The following NEDD8 variants were observed in gnomAD, a reference collection of about 807,000 sequenced individuals.
The protein encoded by NEDD8 is ubiquitin-like protein NEDD8.
NEDD8 carries 1 observed loss-of-function variant against 13.8 expected under a neutral mutation model. That is an observed-to-expected ratio of 0.07 (90% CI 0.03 to 0.34). The LOEUF is 0.34. NEDD8 is among the 10% of genes least tolerant of loss of function. NEDD8 has a pLI of 0.99. For synonymous variants in NEDD8, 31 were observed against 33.2 expected (o/e 0.93, Z 0.23); for missense variants, 10 against 95.2 (o/e 0.10, Z 3.73).
At chr14:24,220,131 A>T (rs189466354) in intron 1 of NEDD8, among the ~76,000 whole-genome samples, 1 of 152,306 alleles carries the variant, frequency 6.6e-6, no homozygotes, top group African/African-American at 2.4e-5. Flanking sequence ...AACCTCCTGT[A>T]TGATGTGTAG....
At position 24,217,285 on chromosome 14, in the gene NEDD8, T is replaced by C. The variant is rs2039720303; in HGVS notation, c.150-62A>G. ...AGACTTAGGAGTTTTTTGTTGTTGT[T>C]GTTGTTGTTGTTGTTGTTGTTTTTG... On this transcript the variant is annotated intron_variant, in intron 3 of 3. Coordinates refer to ENST00000250495, the MANE Select transcript of NEDD8 (RefSeq NM_006156.3). 3.1e-6 allele frequency: 4 copies of C among 1,281,168 alleles called. No homozygotes were observed. The Admixed American group carries it at 6.3e-5, about 20-fold the overall frequency. The allele number at this position is 1,281,168 out of a possible 1,614,324, so 79.4% of individuals were successfully genotyped here.
intron 1 of NEDD8, among the ~76,000 whole-genome samples, chr14:24,220,703 T>C (rs576551583): frequency 2.0e-5 from 3 of 152,342 alleles, no homozygotes; most frequent in East Asian, 1.9e-4. Context: ...TTATGAGATA[T>C]GGACTATTAC....
At chr14:24,220,302 A>C (rs2039784522) in intron 1 of NEDD8, among the ~76,000 whole-genome samples, 2 of 152,202 alleles carry the variant, frequency 1.3e-5, no homozygotes, top group African/African-American at 4.8e-5. Flanking sequence ...CACAGCTAAC[A>C]TTTACTGAAA....
At chr14:24,225,022 G>A (rs2039866942) in intron 1 of NEDD8, among the ~76,000 whole-genome samples, 1 of 152,092 alleles carries the variant, frequency 6.6e-6, no homozygotes, top group African/African-American at 2.4e-5. Context: ...AGTCAGGCAT[G>A]GTGGCGCATG....
At chr14:24,225,171 CAAAAAAAAAAA>C (rs71281817) in intron 1 of NEDD8, among the ~76,000 whole-genome samples, 2 of 123,950 alleles carry the variant, frequency 1.6e-5, no homozygotes, top group African/African-American at 6.1e-5. Flanking sequence ...GACTCTGTCT[CAAAAAAAAAAA>C]AAAAGAAAAA....
At chr14:24,230,710 C>T (rs2039984333) in intron 1 of NEDD8, among the ~76,000 whole-genome samples, 1 of 150,938 alleles carries the variant, frequency 6.6e-6, no homozygotes, top group South Asian at 2.1e-4. Flanking sequence ...TCTCCGCCTC[C>T]CAGGTTCAAG....
At chr14:24,229,692 T>A (rs2039956839) in intron 1 of NEDD8, among the ~76,000 whole-genome samples, 2 of 152,218 alleles carry the variant, frequency 1.3e-5, no homozygotes, top group Non-Finnish European at 2.9e-5. Flanking sequence ...AGTGAAATTT[T>A]CAAAAAGTGT....
chr14:24,229,037 T>C (rs1332382693), intron 1 of NEDD8, among the ~76,000 whole-genome samples: 2 of 152,106 alleles, frequency 1.3e-5, no homozygotes, highest in African/African-American at 4.8e-5. Flanking sequence ...ATCTAGAATC[T>C]TGCTATTCAA....
chr14:24,218,458 C>G, intron 1 of NEDD8, 27 bp from the exon 2 acceptor site: 1 of 1,614,190 alleles, frequency 6.2e-7, no homozygotes, highest in South Asian at 1.1e-5. Flanking sequence ...TTTCATGAGT[C>G]CTTAAAGCCC....
rs2039741073 is a variant in NEDD8 at position 24,218,150 on chromosome 14, G to T, written c.132C>A (p.Ile44=). 2 of 1,614,088 alleles carry T rather than the reference G, an allele frequency of 1.2e-6. No individual in the cohort carries two copies. The highest frequency in any genetic ancestry group is 1.7e-6 in the Non-Finnish European group (2 of 1,180,034). ...EGIPPQQQRL[I]YSGKQMNDEK... ...AAACTCACATCTGCTTGCCACTGTA[G>T]ATGAGCCTCTGCTGTTGTGGGGGGA... Residue 44 remains isoleucine, a synonymous_variant, in exon 3 of 4, where the codon ATC becomes ATA. Transcript: ENST00000250495.
At chr14:24,221,934 A>G (rs2039817086) in intron 1 of NEDD8, among the ~76,000 whole-genome samples, 1 of 152,164 alleles carries the variant, frequency 6.6e-6, no homozygotes, top group Admixed American at 6.5e-5. Flanking sequence ...CTCAGAGAAG[A>G]CCTAGAGCTG....
chr14:24,217,274 TTTG>T (rs149980708), intron 3 of NEDD8, 51 bp from the exon 4 acceptor site: 345,800 of 1,198,968 alleles, frequency 0.29, 61,249 homozygotes, highest in African/African-American at 0.64. Context: ...TTAGGAGTTT[TTTG>T]TTGTTGTTGT....
intron 1 of NEDD8, chr14:24,231,979 C>T: frequency 2.1e-6 from 1 of 487,774 alleles, no homozygotes; most frequent in African/African-American, 2.0e-5. Flanking sequence ...CAGTGAGACC[C>T]GACAAAAGCG....
Position 24,232,234 on chromosome 14 carries a change from C to T in NEDD8, c.18+16G>A. 1 of 1,614,136 alleles carries T rather than the reference C, an allele frequency of 6.2e-7. No homozygotes were observed. Among genetic ancestry groups the T allele is most frequent in the Non-Finnish European group, 8.5e-7 (1 of 1,180,012 alleles). On this transcript the variant is annotated intron_variant, in intron 1 of 3. Transcript: ENST00000250495. ...CCAGTACTACTGCGTCTTGGCAAGG[C>T]TGGAGGTGCTCCCACCTTCACTTTA...
chr14:24,217,274 T>TTTGTTG (rs149980708), intron 3 of NEDD8, 51 bp from the exon 4 acceptor site: 145 of 1,206,206 alleles, frequency 1.2e-4, no homozygotes, highest in South Asian at 6.4e-4. Flanking sequence ...TTAGGAGTTT[T>TTTGTTG]TTGTTGTTGT....
At chr14:24,218,680 C>G (rs2039749290) in intron 1 of NEDD8, 1 of 574,404 alleles carries the variant, frequency 1.7e-6, no homozygotes, top group East Asian at 2.9e-5. Context: ...GAGTCATCTT[C>G]CAACATCAGT....
intron 1 of NEDD8, among the ~76,000 whole-genome samples, chr14:24,225,431 C>G (rs921861075): frequency 6.6e-6 from 1 of 151,830 alleles, no homozygotes; most frequent in Non-Finnish European, 1.5e-5. Flanking sequence ...GTAAAAATTA[C>G]GGTTATGTTA....
intron 1 of NEDD8, among the ~76,000 whole-genome samples, chr14:24,231,487 G>A (rs375765433): frequency 7.0e-6 from 1 of 142,266 alleles, no homozygotes; most frequent in African/African-American, 2.8e-5. Flanking sequence ...TTTTTTTGAG[G>A]GGGGCGTGGG....
intron 1 of NEDD8, among the ~76,000 whole-genome samples, chr14:24,220,212 T>G (rs919809931): frequency 1.3e-5 from 2 of 152,246 alleles, no homozygotes; most frequent in African/African-American, 4.8e-5. Context: ...GTTTAAGTGT[T>G]AAACTTTCCT....
Sources: gnomAD v4.1 joint callset for allele counts (sites outside exome capture counted in the v4.1 genomes callset) on GRCh38, gnomAD v4.1.1 for gene constraint, MANE v1.5 for transcripts, NCBI Gene and HGNC (gene_info 2026-07-23, HGNC 2026-07-21) for gene names.